Variants in SETD3 observed in about 807,000 individuals in gnomAD.
SETD3 encodes the protein SET domain containing 3, actin N3(tau)-histidine methyltransferase, also known as actin-histidine N-methyltransferase.
SETD3 carries 19 observed loss-of-function variants against 63.0 expected under a neutral mutation model. The ratio of observed to expected loss-of-function variants is 0.30; its 90% CI spans 0.21 to 0.44. The LOEUF (loss-of-function observed/expected upper bound fraction) is 0.44, where lower values mean the gene tolerates loss of function less well. Among genes scored for constraint, SETD3 ranks in the 20% least tolerant of loss-of-function variants. The pLI, the probability that SETD3 is intolerant of heterozygous loss-of-function variation, is 1.00. For missense variants in SETD3, 587 were observed against 728.5 expected (o/e 0.81, Z 2.24); for synonymous variants, 286 against 264.1 (o/e 1.08, Z -0.80).
chr14:99,410,122 G>T, intron 8 of SETD3: 1 of 1,411,880 alleles, frequency 7.1e-7, no homozygotes, highest in African/African-American at 1.4e-5. Flanking sequence ...GGGCAGCCAC[G>T]CTGGAGGAGG....
chr14:99,471,590 A>C (rs375136119), intron 1 of SETD3, among the ~76,000 whole-genome samples: 2 of 152,232 alleles, frequency 1.3e-5, no homozygotes, highest in South Asian at 2.1e-4. Context: ...AGCTATGATC[A>C]CACCTGTGAA....
At chr14:99,451,934 G>A (rs1894484957) in intron 6 of SETD3, among the ~76,000 whole-genome samples, 1 of 152,146 alleles carries the variant, frequency 6.6e-6, no homozygotes, top group African/African-American at 2.4e-5. Flanking sequence ...TCATGAAGAA[G>A]ATGTCAAGAA....
At chr14:99,470,123 G>A (rs138535072) in intron 1 of SETD3, among the ~76,000 whole-genome samples, 1 of 152,284 alleles carries the variant, frequency 6.6e-6, no homozygotes. Flanking sequence ...GACTGCTCAT[G>A]TTCCTCCCTT....
rs1355981213 is a variant in SETD3 at position 99,469,711 on chromosome 14, A to G, written c.-8-3898T>C. Among the ~76,000 whole-genome samples the G allele has an allele frequency of 4.6e-5, 7 of 152,252 alleles. No homozygotes were observed. The East Asian group carries it at 1.3e-3, about 29-fold the overall frequency. ...CAATGAGCTGTGATGGCGTCACTGC[A>G]CTCCAGCCTGGGTGACAGAGGGAGA... is the stretch of plus-strand genomic sequence containing the variant. On this transcript the variant is annotated intron_variant, in intron 1 of 12. Transcript: ENST00000331768.
At chr14:99,417,841 G>A (rs750157437) in intron 6 of SETD3, among the ~76,000 whole-genome samples, 3 of 152,034 alleles carry the variant, frequency 2.0e-5, no homozygotes, top group Non-Finnish European at 4.4e-5. Context: ...ACATGGAGAG[G>A]TGTTTCCTAA....
At chr14:99,436,656 G>T (rs1279509887) in intron 6 of SETD3, among the ~76,000 whole-genome samples, 2 of 152,146 alleles carry the variant, frequency 1.3e-5, no homozygotes, top group Non-Finnish European at 2.9e-5. Flanking sequence ...GTGTTCTTAT[G>T]GTGCTTTTAA....
At chr14:99,458,647 T>G (rs1224382856) in intron 5 of SETD3, 112 bp from the exon 6 acceptor site, 1 of 1,153,784 alleles carries the variant, frequency 8.7e-7, no homozygotes, top group Non-Finnish European at 1.2e-6. Flanking sequence ...ACATTTAAAG[T>G]CAGGTACAGG....
chr14:99,466,951 T>C (rs1348173121), intron 1 of SETD3, among the ~76,000 whole-genome samples: 1 of 152,224 alleles, frequency 6.6e-6, no homozygotes, highest in Non-Finnish European at 1.5e-5. Flanking sequence ...AAGCAGACTT[T>C]GGTCCATTTG....
intron 4 of SETD3, 78 bp downstream of exon 4, chr14:99,461,114 C>T (rs571458346): frequency 1.3e-6 from 2 of 1,520,690 alleles, no homozygotes; most frequent in Non-Finnish European, 1.8e-6. Flanking sequence ...ACACGTCTAC[C>T]TCTTCACCCT....
intron 6 of SETD3, among the ~76,000 whole-genome samples, chr14:99,439,089 C>T (rs1348683635): frequency 2.6e-5 from 4 of 152,240 alleles, no homozygotes; most frequent in Non-Finnish European, 5.9e-5. Context: ...ACTGCTAAAG[C>T]AGCAGCCACT....
chr14:99,473,164 T>C (rs1324256530), intron 1 of SETD3, among the ~76,000 whole-genome samples: 3 of 152,328 alleles, frequency 2.0e-5, no homozygotes, highest in South Asian at 2.1e-4. Context: ...CTGACTAATA[T>C]ACAGGGGCAT....
chr14:99,433,798 T>C (rs973394140), intron 6 of SETD3, among the ~76,000 whole-genome samples: 1 of 152,176 alleles, frequency 6.6e-6, no homozygotes, highest in African/African-American at 2.4e-5. Flanking sequence ...GACATCTAAG[T>C]AGCTAATAAG....
In SETD3 at chr14:99,400,188, G is replaced by A. The variant is rs755500316; in HGVS notation, c.1249C>T (p.Pro417Ser). 6.2e-7 allele frequency: 1 copy of A among 1,614,134 alleles called. No homozygotes were observed. The highest frequency in any genetic ancestry group is 1.7e-5 in the Admixed American group (1 of 60,022). Reference sequence around the variant, plus strand: ...TTGACCTCGTTGTCCCAGCTAACAGGAAATTCCGAGTTCCCCAAGGTGAAG... The same window carrying A: ...TTGACCTCGTTGTCCCAGCTAACAGAAAATTCCGAGTTCCCCAAGGTGAAG... Reference protein sequence around the residue: ...RIFTLGNSEFPVSWDNEVKLW... With the variant: ...RIFTLGNSEFSVSWDNEVKLW... The change falls in exon 12 of 13, where the codon CCT becomes TCT. Residue 417 changes from proline (P) to serine (S), a missense_variant. Coordinates refer to ENST00000331768, the MANE Select transcript of SETD3 (RefSeq NM_032233.3).
intron 8 of SETD3, among the ~76,000 whole-genome samples, chr14:99,409,086 G>A (rs1891835046): frequency 2.6e-5 from 4 of 152,272 alleles, no homozygotes; most frequent in African/African-American, 9.6e-5. Context: ...TGGTCCAGGG[G>A]CAGCCACCCG....
At chr14:99,458,774 C>CAAAAAAA (rs5810953) in intron 5 of SETD3, among the ~76,000 whole-genome samples, 6 of 89,498 alleles carry the variant, frequency 6.7e-5, no homozygotes, top group African/African-American at 1.4e-4. Flanking sequence ...CCCATCACTA[C>CAAAAAAA]AAAAAAAAAA....
intron 6 of SETD3, among the ~76,000 whole-genome samples, chr14:99,440,538 C>T (rs1379425795): frequency 6.6e-6 from 1 of 152,152 alleles, no homozygotes; most frequent in Non-Finnish European, 1.5e-5. Context: ...TTCACTGGAA[C>T]AGCTCAGAGA....
At chr14:99,408,826 T>A (rs1891821305) in intron 8 of SETD3, among the ~76,000 whole-genome samples, 1 of 152,064 alleles carries the variant, frequency 6.6e-6, no homozygotes, top group African/African-American at 2.4e-5. Flanking sequence ...TGCAAAGAAG[T>A]GCAGGCGGAA....
At chr14:99,468,156 T>TA (rs34626094) in intron 1 of SETD3, among the ~76,000 whole-genome samples, 66,243 of 131,816 alleles carry the variant, frequency 0.5, 16,872 homozygotes, top group Non-Finnish European at 0.59. Context: ...AATACAGATT[T>TA]AAAAAAAAAA....
Position 99,399,010 on chromosome 14 carries a change from T to G in SETD3, c.1454A>C (p.Asn485Thr). ...LEKAVKSAAV[N>T]REYYRQQMEE... is the part of the protein sequence containing the mutation. ...CATCTGTTGGCGATAGTATTCCCGG[T>G]TGACAGCTGCACTCTTTACTGCTTT... Residue 485 changes from asparagine (N) to threonine (T), a missense_variant, in exon 13 of 13, where the codon AAC becomes ACC. Coordinates refer to ENST00000331768, the MANE Select transcript of SETD3 (RefSeq NM_032233.3). 6.2e-7 allele frequency: 1 copy of G among 1,614,216 alleles called. No homozygotes were observed. The highest frequency in any genetic ancestry group is 2.2e-5 in the East Asian group (1 of 44,882).
Sources: gnomAD v4.1 joint callset for allele counts (sites outside exome capture counted in the v4.1 genomes callset) on GRCh38, gnomAD v4.1.1 for gene constraint, MANE v1.5 for transcripts, NCBI Gene and HGNC (gene_info 2026-07-23, HGNC 2026-07-21) for gene names.